TTC28: variants seen among roughly 807,000 people sequenced by gnomAD.
TTC28 encodes tetratricopeptide repeat protein 28.
In TTC28, 61 loss-of-function variants were observed where a neutral mutation model predicts 198.0. The observed-to-expected ratio is 0.31, with a 90% CI of 0.25 to 0.38. The LOEUF is 0.38. TTC28 is among the 10% of genes least tolerant of loss of function. The probability of loss-of-function intolerance (pLI) is 1.00; values close to 1 mark genes in which losing one functional copy is unlikely to be tolerated. For missense variants in TTC28, 2,678 were observed against 3,164.0 expected, an observed-to-expected ratio of 0.85 and a Z score of 3.69; for synonymous variants, 1,171 against 1,297.8, an observed-to-expected ratio of 0.90 and a Z score of 2.10.
intron 15 of TTC28, chr22:27,999,473 G>A: frequency 1.4e-6 from 1 of 715,396 alleles, no homozygotes; most frequent in South Asian, 1.9e-5. Context: ...ATGAGCCCTT[G>A]GAAACCATCA....
At chr22:28,535,697 G>A (rs533607263) in intron 2 of TTC28, among the ~76,000 whole-genome samples, 65 of 151,968 alleles carry the variant, frequency 4.3e-4, no homozygotes, top group Non-Finnish European at 7.6e-4. Context: ...CTTCCCCCTT[G>A]CCAATCTTGT....
At chr22:28,216,693 A>C (rs921181191) in intron 5 of TTC28, among the ~76,000 whole-genome samples, 32 of 152,132 alleles carry the variant, frequency 2.1e-4, no homozygotes, top group African/African-American at 6.5e-4. Flanking sequence ...TCCTCTAATG[A>C]TGTTGATGAC....
Position 27,993,389 on chromosome 22 carries a change from G to A in TTC28, c.5374C>T (p.Leu1792=). ...QALLTAVGFR[L]DPPTSGLPAA... ...GGCAGGCCACTGGTTGGGGGGTCCA[G>A]CCGGAAGCCCACAGCGGTGAGGAGG... The change falls in exon 18 of 23, where the codon CTG becomes TTG. Residue 1792 remains leucine (L), a synonymous_variant. Coordinates refer to ENST00000397906, the MANE Select transcript of TTC28 (RefSeq NM_001145418.2). 2.6e-6 allele frequency: 4 copies of A among 1,551,208 alleles called. No homozygotes were observed. Among genetic ancestry groups the A allele is most frequent in the Non-Finnish European group, 3.5e-6 (4 of 1,146,984 alleles).
At chr22:28,676,604 T>A (rs1182371573) in intron 1 of TTC28, among the ~76,000 whole-genome samples, 1 of 152,152 alleles carries the variant, frequency 6.6e-6, no homozygotes, top group East Asian at 1.9e-4. Context: ...ACTGAGAGAC[T>A]AAAATGCCTA....
chr22:28,135,182 G>T (rs917856409), intron 6 of TTC28, among the ~76,000 whole-genome samples: 5 of 152,126 alleles, frequency 3.3e-5, no homozygotes, highest in Non-Finnish European at 7.3e-5. Context: ...AGGTAGGGGT[G>T]GGGGACTGCC....
chr22:28,056,826 T>C (rs779889543), intron 12 of TTC28, among the ~76,000 whole-genome samples: 4 of 152,222 alleles, frequency 2.6e-5, no homozygotes, highest in Non-Finnish European at 5.9e-5. Flanking sequence ...AGGCAAATCG[T>C]CTGATTCTCT....
intron 14 of TTC28, chr22:28,008,049 T>G (rs1206109200): frequency 6.6e-6 from 1 of 152,226 alleles, no homozygotes; most frequent in Admixed American, 6.5e-5. Flanking sequence ...TACTGGAATC[T>G]AGGTCTGATT....
intron 1 of TTC28, among the ~76,000 whole-genome samples, chr22:28,642,497 T>C (rs973180695): frequency 5.3e-5 from 8 of 152,046 alleles, no homozygotes; most frequent in African/African-American, 1.7e-4. Flanking sequence ...CAGTTTATTT[T>C]ACCTGGCAAA....
Position 28,632,768 on chromosome 22 carries a change from T to C in TTC28, c.103-2938A>G, listed in dbSNP as rs527462060. On this transcript the variant is annotated intron_variant, in intron 1 of 22. Transcript: ENST00000397906. ...GATTCATAAGTAGCCTGTAAGTTAT[T>C]AAAAAAAAAAAAAGGAGAAGAAGAA... 2.7e-3 allele frequency among the ~76,000 whole-genome samples: 382 copies of C among 141,924 alleles called. 2 individuals are homozygous for C. The highest frequency in any genetic ancestry group is 4.8e-3 in the Non-Finnish European group (308 of 64,690). The allele number at this position is 141,924 out of a possible 152,430, so 93.1% of individuals were successfully genotyped here.
chr22:28,089,753 G>A (rs1427622960), intron 12 of TTC28, among the ~76,000 whole-genome samples: 1 of 150,306 alleles, frequency 6.7e-6, no homozygotes, highest in Non-Finnish European at 1.5e-5. Context: ...AGAAAATGTG[G>A]CATGTATACA....
At chr22:28,298,170 C>T (rs187778567) in intron 3 of TTC28, among the ~76,000 whole-genome samples, 8 of 152,278 alleles carry the variant, frequency 5.3e-5, no homozygotes, top group South Asian at 4.1e-4. Context: ...ATATTACAGG[C>T]ACATCCCTCA....
At chr22:28,225,761 C>G (rs192962278) in intron 5 of TTC28, among the ~76,000 whole-genome samples, 1 of 152,184 alleles carries the variant, frequency 6.6e-6, no homozygotes, top group Non-Finnish European at 1.5e-5. Flanking sequence ...TTTTCTCATG[C>G]CCCTTTGCAT....
intron 12 of TTC28, among the ~76,000 whole-genome samples, chr22:28,065,460 A>G (rs1940713549): frequency 6.6e-6 from 1 of 152,150 alleles, no homozygotes; most frequent in African/African-American, 2.4e-5. Context: ...CTTCTTCATA[A>G]AATGGTCGGG....
rs200691388 is a variant in TTC28 at position 28,409,606 on chromosome 22, CAT to C, written c.382-102965_382-102964del. Among the ~76,000 whole-genome samples the C allele has an allele frequency of 6.6e-3, 983 of 149,488 alleles. 7 individuals carry two copies. The highest frequency in any genetic ancestry group is 0.011 in the Non-Finnish European group (761 of 67,530). ...TATAAAAAACATATATGGAAACATA[CAT>C]ATGTGTATATATAATTCATATGCCA... is the stretch of plus-strand genomic sequence containing the variant. On this transcript the variant is annotated intron_variant, in intron 2 of 22. Transcript: ENST00000397906.
intron 2 of TTC28, among the ~76,000 whole-genome samples, chr22:28,461,653 T>C (rs1172151792): frequency 6.6e-6 from 1 of 152,134 alleles, no homozygotes; most frequent in Non-Finnish European, 1.5e-5. Flanking sequence ...CGTCTCGAAC[T>C]CCTGACCTCA....
At chr22:28,256,651 T>C (rs1930942002) in intron 5 of TTC28, among the ~76,000 whole-genome samples, 1 of 152,122 alleles carries the variant, frequency 6.6e-6, no homozygotes, top group Admixed American at 6.5e-5. Context: ...GCTGGAGATA[T>C]CACATTACCT....
At chr22:28,191,035 C>G (rs1924692107) in intron 5 of TTC28, among the ~76,000 whole-genome samples, 1 of 152,204 alleles carries the variant, frequency 6.6e-6, no homozygotes, top group Admixed American at 6.5e-5. Flanking sequence ...TAACGATTTT[C>G]ACAATATGAT....
At chr22:28,537,311 A>ATAACATAACATAACATAACATAAC (rs1569009094) in intron 2 of TTC28, among the ~76,000 whole-genome samples, 1 of 135,084 alleles carries the variant, frequency 7.4e-6, no homozygotes, top group Non-Finnish European at 1.7e-5. Context: ...AATAAAATAA[A>ATAACATAACATAACATAACATAAC]ATAAAATAAA....
At chr22:28,159,348 C>CA (rs970141887) in intron 6 of TTC28, among the ~76,000 whole-genome samples, 9 of 151,488 alleles carry the variant, frequency 5.9e-5, no homozygotes, top group African/African-American at 7.3e-5. Flanking sequence ...GGAGGTTAAT[C>CA]AAAAAAAACT....
Sources: allele counts gnomAD v4.1 joint callset (sites outside exome capture counted in the v4.1 genomes callset), GRCh38; gene constraint gnomAD v4.1.1; transcripts MANE v1.5; gene names NCBI Gene and HGNC (gene_info 2026-07-23, HGNC 2026-07-21).